ANKRD11: variants seen among roughly 807,000 people sequenced by gnomAD.
ANKRD11 encodes ankyrin repeat domain-containing protein 11.
ANKRD11 carries 17 observed loss-of-function variants against 195.7 expected under a neutral mutation model. That is an observed-to-expected ratio of 0.09 (90% confidence interval 0.06 to 0.13). The LOEUF is 0.13. ANKRD11 is among the 10% of genes least tolerant of loss of function. The pLI, the probability that ANKRD11 is intolerant of heterozygous loss-of-function variation, is 1.00. For missense variants in ANKRD11, 3,735 were observed against 3,566.1 expected (o/e 1.05, Z -1.21); for synonymous variants, 1,953 against 1,528.1 (o/e 1.28, Z -6.49).
chr16:89,352,131 T>C (rs1352715334), intron 2 of ANKRD11, among the ~76,000 whole-genome samples: 1 of 152,112 alleles, frequency 6.6e-6, no homozygotes, highest in Non-Finnish European at 1.5e-5. Context: ...CCTCAAGTGA[T>C]CCGCCTGCCT....
chr16:89,278,766 T>C, intron 9 of ANKRD11: 1 of 559,548 alleles, frequency 1.8e-6, no homozygotes, highest in Middle Eastern at 2.8e-4. Flanking sequence ...GAGGGGAGAG[T>C]GAGCGGCGTG....
intron 2 of ANKRD11, among the ~76,000 whole-genome samples, chr16:89,350,542 C>T (rs2039160185): frequency 6.6e-6 from 1 of 152,194 alleles, no homozygotes; most frequent in Non-Finnish European, 1.5e-5. Flanking sequence ...ACACACCAGA[C>T]ACAAGAGTCC....
intron 2 of ANKRD11, among the ~76,000 whole-genome samples, chr16:89,322,531 G>C (rs1426030648): frequency 1.3e-5 from 2 of 152,240 alleles, no homozygotes; most frequent in African/African-American, 4.8e-5. Flanking sequence ...CAGGAAGTCA[G>C]CAGCAGGGTG....
At chr16:89,456,348 A>G (rs1017721958) in intron 1 of ANKRD11, among the ~76,000 whole-genome samples, 1 of 152,026 alleles carries the variant, frequency 6.6e-6, no homozygotes, top group African/African-American at 2.4e-5. Flanking sequence ...CAGGAGTTCG[A>G]GACCAGCCTA....
intron 2 of ANKRD11, among the ~76,000 whole-genome samples, chr16:89,318,465 G>A (rs945616768): frequency 5.9e-5 from 9 of 152,224 alleles, no homozygotes; most frequent in African/African-American, 2.2e-4. Context: ...CTCTGTGCGC[G>A]ACCATGCCGG....
intron 2 of ANKRD11, among the ~76,000 whole-genome samples, chr16:89,346,130 T>TC (rs2038927256): frequency 6.7e-6 from 1 of 149,844 alleles, no homozygotes; most frequent in African/African-American, 2.5e-5. Context: ...GCGCTTGTAA[T>TC]CCCAGCTACT....
rs748746671 is a variant in ANKRD11 at position 89,280,086 on chromosome 16, T to C, written c.6456A>G (p.Glu2152=). 6 of 1,613,150 alleles carry C rather than the reference T, an allele frequency of 3.7e-6. No homozygotes were observed. Among genetic ancestry groups the C allele is most frequent in the South Asian group, 1.1e-5 (1 of 91,080 alleles). ...PLQTKDAADG[E]AEPVEESLAP... ...CAAGACTTTCTTCCACGGGTTCCGCTTCACCATCTGCGGCATCTTTAGTCT... is the reference window on the plus strand; with the variant it reads ...CAAGACTTTCTTCCACGGGTTCCGCCTCACCATCTGCGGCATCTTTAGTCT... The change falls in exon 9 of 13, where the codon GAA becomes GAG. Residue 2152 remains glutamate, a synonymous_variant. Transcript: ENST00000301030.
At chr16:89,329,312 G>A (rs2037921929) in intron 2 of ANKRD11, among the ~76,000 whole-genome samples, 1 of 152,190 alleles carries the variant, frequency 6.6e-6, no homozygotes, top group Non-Finnish European at 1.5e-5. Flanking sequence ...CATGTTCCCG[G>A]CCACTGGGCG....
At chr16:89,276,868 C>A (rs972565496) in intron 9 of ANKRD11, among the ~76,000 whole-genome samples, 1 of 151,994 alleles carries the variant, frequency 6.6e-6, no homozygotes, top group Non-Finnish European at 1.5e-5. Context: ...CCAGCCTGAC[C>A]AACATGGTGA....
chr16:89,399,563 T>C (rs2041606993), intron 2 of ANKRD11, among the ~76,000 whole-genome samples: 1 of 152,124 alleles, frequency 6.6e-6, no homozygotes, highest in Non-Finnish European at 1.5e-5. Context: ...GTGAAACTAC[T>C]CTGTATGATA....
At chr16:89,475,918 G>C (rs1386463350) in intron 1 of ANKRD11, among the ~76,000 whole-genome samples, 1 of 151,996 alleles carries the variant, frequency 6.6e-6, no homozygotes, top group Non-Finnish European at 1.5e-5. Context: ...CAGGCGTGGT[G>C]GTGGGCACCT....
intron 1 of ANKRD11, among the ~76,000 whole-genome samples, chr16:89,435,496 G>A (rs1052151735): frequency 6.6e-6 from 1 of 152,056 alleles, no homozygotes; most frequent in African/African-American, 2.4e-5. Context: ...GCGAAGGTCT[G>A]CAGCTTCACT....
chr16:89,388,950 T>A (rs985017274), intron 2 of ANKRD11, among the ~76,000 whole-genome samples: 1 of 152,210 alleles, frequency 6.6e-6, no homozygotes, highest in Non-Finnish European at 1.5e-5. Flanking sequence ...CCAAGATGAC[T>A]TACAGGAATA....
Position 89,462,941 on chromosome 16 carries a change from G to A in ANKRD11, c.-145+27304C>T, listed in dbSNP as rs562283101. Among the ~76,000 whole-genome samples, 6 of 151,796 alleles carry A rather than the reference G, an allele frequency of 4.0e-5. No individual in the cohort carries two copies. In the East Asian group the frequency reaches 9.8e-4, roughly 25 times the overall value. ...CCCAGCTGCCCCGTCCGGGAGGGAG[G>A]TGGAGGTGGGGGGGGTCAGCCCCCC... On this transcript the variant is annotated intron_variant, in intron 1 of 12. Transcript: ENST00000301030.
chr16:89,338,257 C>T (rs917007101), intron 2 of ANKRD11, among the ~76,000 whole-genome samples: 2 of 152,030 alleles, frequency 1.3e-5, no homozygotes, highest in Admixed American at 6.6e-5. Flanking sequence ...CTGCCATGAG[C>T]GCCACACTGT....
intron 3 of ANKRD11, among the ~76,000 whole-genome samples, chr16:89,312,465 AG>A (rs2151902942): frequency 6.6e-6 from 1 of 152,374 alleles, no homozygotes; most frequent in African/African-American, 2.4e-5. Flanking sequence ...TCAGGTAAGC[AG>A]AAATGGTAGG....
At chr16:89,446,349 A>G (rs999620040) in intron 1 of ANKRD11, among the ~76,000 whole-genome samples, 4 of 152,036 alleles carry the variant, frequency 2.6e-5, no homozygotes, top group African/African-American at 9.7e-5. Flanking sequence ...CACGCCCCTA[A>G]TCCCAGCACT....
intron 2 of ANKRD11, among the ~76,000 whole-genome samples, chr16:89,396,439 G>A (rs9927904): frequency 0.56 from 85,026 of 151,906 alleles, 23,933 homozygotes; most frequent in Middle Eastern, 0.73. Flanking sequence ...AACGCTCACA[G>A]CACAAACACC....
chr16:89,465,179 C>T (rs1261807781), intron 1 of ANKRD11, among the ~76,000 whole-genome samples: 1 of 152,168 alleles, frequency 6.6e-6, no homozygotes, highest in African/African-American at 2.4e-5. Flanking sequence ...AACATGCGGC[C>T]ACAAGGTCTA....
Sources: allele counts gnomAD v4.1 joint callset (sites outside exome capture counted in the v4.1 genomes callset), GRCh38; gene constraint gnomAD v4.1.1; transcripts MANE v1.5; gene names NCBI Gene and HGNC (gene_info 2026-07-23, HGNC 2026-07-21).